TAS1R1: variants seen among roughly 807,000 people sequenced by gnomAD.
The protein encoded by TAS1R1 is taste receptor type 1 member 1.
A neutral mutation model predicts 45.8 loss-of-function variants in TAS1R1; 31 were observed. The ratio of observed to expected loss-of-function variants is 0.68; its 90% CI spans 0.51 to 0.91. The LOEUF (loss-of-function observed/expected upper bound fraction) is 0.91. Among genes scored for constraint, TAS1R1 ranks in the 40% least tolerant of loss-of-function variants. The pLI is 0.00. For missense variants in TAS1R1, 1,051 were observed against 1,063.9 expected (o/e 0.99, Z 0.17); for synonymous variants, 437 against 448.4 (o/e 0.97, Z 0.32).
intron 5 of TAS1R1, among the ~76,000 whole-genome samples, chr1:6,577,828 C>CA (rs1029880688): frequency 6.0e-5 from 9 of 150,208 alleles, no homozygotes; most frequent in East Asian, 2.0e-4. Context: ...AACTCTGTCT[C>CA]AAAAAAAAAG....
chr1:6,577,083 T>C lies in TAS1R1; in HGVS notation c.1594+13T>C, dbSNP rs781318894. On this transcript the variant is annotated intron_variant, in intron 5 of 5. Transcript: ENST00000333172. ...CTCAACAAGAGTGGTGAGTGGGCAA[T>C]GGAGCAGGCGAGCTACCCAGCACTC... 1 of 1,614,058 alleles carries C rather than the reference T, an allele frequency of 6.2e-7. No homozygotes were observed. The highest frequency in any genetic ancestry group is 1.7e-5 in the Admixed American group (1 of 60,008).
intron 1 of TAS1R1, among the ~76,000 whole-genome samples, chr1:6,555,886 T>TTTTTTTTTG (rs1441795030): frequency 7.6e-6 from 1 of 130,864 alleles, no homozygotes; most frequent in Non-Finnish European, 1.6e-5. Context: ...TTTTTTTTTT[T>TTTTTTTTTG]TTTGAGACGG....
intron 3 of TAS1R1, among the ~76,000 whole-genome samples, chr1:6,575,699 T>C (rs941713342): frequency 3.3e-5 from 5 of 149,800 alleles, no homozygotes; most frequent in African/African-American, 1.2e-4. Flanking sequence ...TTCTTTTCTT[T>C]TTTTTTTTTT....
intron 4 of TAS1R1, 123 bp from the exon 5 acceptor site, chr1:6,576,827 A>G: frequency 6.6e-7 from 1 of 1,521,308 alleles, no homozygotes; most frequent in Non-Finnish European, 9.0e-7. Flanking sequence ...AGTTCACACG[A>G]CCAGGGGCCC....
At position 6,575,140 on chromosome 1, in the gene TAS1R1, G is replaced by T; in HGVS notation, c.1008G>T (p.Ala336=). 1 of 1,585,146 alleles carries T rather than the reference G, an allele frequency of 6.3e-7. No individual in the cohort carries two copies. The highest frequency in any genetic ancestry group is 2.2e-5 in the East Asian group (1 of 44,730). ...AGAGGGCTGTCCCTGGCCTGAAGGC[G>T]TTTGAAGAAGCCTATGCCCGGGCAG... ...IQKRAVPGLK[A]FEEAYARADK... The change falls in exon 3 of 6, where the codon GCG becomes GCT. Residue 336 remains alanine, a synonymous_variant. Coordinates refer to ENST00000333172, the MANE Select transcript of TAS1R1 (RefSeq NM_138697.4).
chr1:6,566,609 G>T (rs989848048), intron 1 of TAS1R1, among the ~76,000 whole-genome samples: 1 of 151,882 alleles, frequency 6.6e-6, no homozygotes, highest in African/African-American at 2.4e-5. Flanking sequence ...ATTTGGAGGG[G>T]TCTTGAGATG....
chr1:6,557,389 G>A (rs1012140742), intron 1 of TAS1R1, among the ~76,000 whole-genome samples: 4 of 152,116 alleles, frequency 2.6e-5, no homozygotes, highest in African/African-American at 9.7e-5. Flanking sequence ...GCAAGAGGCT[G>A]GAAAATGGAA....
At chr1:6,570,024 G>GA (rs1553186697) in intron 1 of TAS1R1, among the ~76,000 whole-genome samples, 1,958 of 32,392 alleles carry the variant, frequency 0.06, 48 homozygotes, top group East Asian at 0.16. Context: ...GGAGGGAGGG[G>GA]GAGAGAGAGA....
chr1:6,578,836 A>G lies in TAS1R1; in HGVS notation c.1778A>G (p.Asp593Gly). 6.2e-7 allele frequency: 1 copy of G among 1,612,642 alleles called. No homozygotes were observed. Among genetic ancestry groups the G allele is most frequent in the South Asian group, 1.1e-5 (1 of 90,974 alleles). ...GCTGGCCTGTTTGCCTGGCACCTAG[A>G]CACCCCTGTGGTGAGGTCAGCAGGG... ...GTAGLFAWHL[D>G]TPVVRSAGGR... Residue 593 changes from aspartate (D) to glycine (G), a missense_variant, in exon 6 of 6, where the codon GAC (aspartate) becomes GGC (glycine). By Grantham distance (94) the Asp-to-Gly change is moderately conservative. Transcript: ENST00000333172.
At chr1:6,572,210 C>T (rs935930416) in intron 2 of TAS1R1, among the ~76,000 whole-genome samples, 2 of 152,054 alleles carry the variant, frequency 1.3e-5, no homozygotes, top group African/African-American at 4.8e-5. Context: ...GCTGGGGCAC[C>T]TTCTAGGTAT....
intron 2 of TAS1R1, among the ~76,000 whole-genome samples, chr1:6,571,618 G>A (rs1212378996): frequency 6.6e-6 from 1 of 152,144 alleles, no homozygotes; most frequent in Non-Finnish European, 1.5e-5. Context: ...CCAGGAGTTC[G>A]AGACCAGCCT....
At chr1:6,570,520 G>A (rs1639983093) in intron 1 of TAS1R1, among the ~76,000 whole-genome samples, 1 of 151,650 alleles carries the variant, frequency 6.6e-6, no homozygotes, top group Admixed American at 6.6e-5. Flanking sequence ...ACCGCCTTAG[G>A]ACTGAAGAGC....
Position 6,574,883 on chromosome 1 carries a change from G to C in TAS1R1, c.751G>C (p.Val251Leu). 1 of 1,614,224 alleles carries C rather than the reference G, an allele frequency of 6.2e-7. No individual in the cohort carries two copies. Among genetic ancestry groups the C allele is most frequent in the Non-Finnish European group, 8.5e-7 (1 of 1,180,040 alleles). The part of the protein sequence containing the change: ...FKDIMPFSAQ[V>L]GDERMQCLMR... ...GGACATCATGCCCTTCTCTGCCCAGGTGGGCGATGAGAGGATGCAGTGCCT... is the reference window on the plus strand; with the variant it reads ...GGACATCATGCCCTTCTCTGCCCAGCTGGGCGATGAGAGGATGCAGTGCCT... The change falls in exon 3 of 6, where the codon GTG (valine) becomes CTG (leucine). Residue 251 changes from valine (V) to leucine (L), a missense_variant. Transcript: ENST00000333172. The surrounding 1 kb of genome is among the most constrained non-coding windows in gnomAD (Gnocchi z 4.3).
In TAS1R1 at chr1:6,576,811, G is replaced by A. The variant is rs1489604679; in HGVS notation, c.1474-139G>A. ...GTAGGCGAGTGTGCAGATGCCCTGG[G>A]GCGGAAGTTCACACGACCAGGGGCC... On this transcript the variant is annotated intron_variant, in intron 4 of 5. Transcript: ENST00000333172. 21 of 1,453,390 alleles carry A rather than the reference G, an allele frequency of 1.4e-5. No homozygotes were observed. In the East Asian group the frequency reaches 1.6e-4, roughly 11 times the overall value. 90.0% of individuals were successfully genotyped at this position (1,453,390 alleles called of 1,614,324 possible).
At position 6,574,551 on chromosome 1, in the gene TAS1R1, T is replaced by C; in HGVS notation, c.499-80T>C. 1 of 1,505,022 alleles carries C rather than the reference T, an allele frequency of 6.6e-7. No homozygotes were observed. The highest frequency in any genetic ancestry group is 8.9e-7 in the Non-Finnish European group (1 of 1,125,206). 93.2% of individuals were successfully genotyped at this position (1,505,022 alleles called of 1,614,324 possible). On this transcript the variant is annotated intron_variant, in intron 2 of 5. Transcript: ENST00000333172. The surrounding 1 kb of genome is among the most constrained non-coding windows in gnomAD (Gnocchi z 4.3). Reference sequence around the variant, plus strand: ...CTCTCCTGGTCTCCCCGGCTCCCTGTATCCCCACACCCAGCACAGGGCCAG... The same window carrying C: ...CTCTCCTGGTCTCCCCGGCTCCCTGCATCCCCACACCCAGCACAGGGCCAG...
intron 5 of TAS1R1, 112 bp downstream of exon 5, chr1:6,577,182 C>A: frequency 6.8e-7 from 1 of 1,479,252 alleles, no homozygotes; most frequent in Non-Finnish European, 9.1e-7. Context: ...GGCCCAGTCA[C>A]TGGGCTGCCA....
At chr1:6,565,820 G>A (rs193038746) in intron 1 of TAS1R1, among the ~76,000 whole-genome samples, 25 of 152,156 alleles carry the variant, frequency 1.6e-4, no homozygotes, top group African/African-American at 5.1e-4. Flanking sequence ...GAGGGGGCTG[G>A]CTAGGAGGGC....
intron 2 of TAS1R1, among the ~76,000 whole-genome samples, chr1:6,573,807 C>T (rs1459194842): frequency 2.0e-5 from 3 of 151,860 alleles, no homozygotes; most frequent in Non-Finnish European, 4.4e-5. Flanking sequence ...GGACTACAGG[C>T]GCGCGCCACC....
At chr1:6,568,972 C>T (rs1051068669) in intron 1 of TAS1R1, among the ~76,000 whole-genome samples, 16 of 152,176 alleles carry the variant, frequency 1.1e-4, no homozygotes, top group Admixed American at 3.9e-4. Flanking sequence ...GAGAAAGGGA[C>T]GTGGACACGG....
Sources: gnomAD v4.1 joint callset for allele counts (sites outside exome capture counted in the v4.1 genomes callset) on GRCh38, gnomAD v4.1.1 for gene constraint, Gnocchi (gnomAD v3.1) non-coding constraint, MANE v1.5 for transcripts, NCBI Gene and HGNC (gene_info 2026-07-23, HGNC 2026-07-21) for gene names.